Variants in PRKG1 observed in about 807,000 individuals in gnomAD.
The protein encoded by PRKG1 is protein kinase cGMP-dependent 1, also known as cGMP-dependent protein kinase 1.
Under a neutral mutation model 88.1 loss-of-function variants are expected in PRKG1, and 35 were observed. That is an observed-to-expected ratio of 0.40 (90% CI 0.30 to 0.53). PRKG1 has a LOEUF of 0.53. Ranked by LOEUF, PRKG1 falls within the 20% of genes least tolerant of loss-of-function variation. The pLI is 0.59. For missense variants in PRKG1, 540 were observed against 839.8 expected (o/e 0.64, Z 4.41); for synonymous variants, 303 against 292.5 (o/e 1.04, Z -0.37).
At chr10:51,515,907 C>T (rs1331077578) in intron 3 of PRKG1, among the ~76,000 whole-genome samples, 1 of 152,082 alleles carries the variant, frequency 6.6e-6, no homozygotes, top group East Asian at 1.9e-4. Context: ...GATGCTAAGG[C>T]CCCGGAGGGT....
intron 3 of PRKG1, among the ~76,000 whole-genome samples, chr10:51,537,606 G>C (rs959957224): frequency 2.0e-5 from 3 of 151,628 alleles, no homozygotes; most frequent in African/African-American, 7.3e-5. Context: ...GCATGCACCT[G>C]TATCCCAGCT....
intron 2 of PRKG1, among the ~76,000 whole-genome samples, chr10:51,240,713 A>C (rs1432804594): frequency 6.6e-6 from 1 of 152,188 alleles, no homozygotes; most frequent in African/African-American, 2.4e-5. Context: ...GAACACCAAG[A>C]GGGGCCTCCT....
chr10:52,165,045 T>A (rs1403942693), intron 9 of PRKG1, among the ~76,000 whole-genome samples: 2 of 152,186 alleles, frequency 1.3e-5, no homozygotes, highest in African/African-American at 4.8e-5. Flanking sequence ...AAATGGTAAT[T>A]GCTTGATGAA....
intron 2 of PRKG1, among the ~76,000 whole-genome samples, chr10:51,168,671 G>A (rs375769155): frequency 6.6e-6 from 1 of 152,104 alleles, no homozygotes; most frequent in Non-Finnish European, 1.5e-5. Context: ...AGTAGAATGT[G>A]ATTAGTTTAA....
intron 2 of PRKG1, among the ~76,000 whole-genome samples, chr10:51,261,728 C>G (rs905631754): frequency 1.1e-5 from 1 of 92,912 alleles, no homozygotes; most frequent in East Asian, 3.2e-4. Context: ...GCAGAGGTTT[C>G]GAACAAATGT....
intron 8 of PRKG1, among the ~76,000 whole-genome samples, chr10:52,151,566 G>A (rs1456730479): frequency 6.6e-6 from 1 of 152,178 alleles, no homozygotes; most frequent in Non-Finnish European, 1.5e-5. Context: ...GATAGGAAGA[G>A]TAATGTGTAA....
intron 2 of PRKG1, among the ~76,000 whole-genome samples, chr10:51,374,093 A>AAAAAATATATATATATATAT: frequency 3.0e-4 from 30 of 100,126 alleles, no homozygotes; most frequent in African/African-American, 9.5e-4. Flanking sequence ...AAAAAAAAAA[A>AAAAAATATATATATATATAT]ATATATATAT....
At chr10:51,642,047 A>C (rs1442397875) in intron 3 of PRKG1, among the ~76,000 whole-genome samples, 4 of 152,186 alleles carry the variant, frequency 2.6e-5, no homozygotes, top group Non-Finnish European at 5.9e-5. Flanking sequence ...CTACTCTGTC[A>C]GTTACTTGTT....
chr10:51,490,625 T>C (rs557325969), intron 3 of PRKG1, among the ~76,000 whole-genome samples: 1 of 152,270 alleles, frequency 6.6e-6, no homozygotes, highest in Admixed American at 6.5e-5. Flanking sequence ...CTGAGACTAT[T>C]TGAGCTTCAG....
rs748173343 is a variant in PRKG1 at position 51,942,021 on chromosome 10, C to T, written c.762+34451C>T. 8.6e-5 allele frequency among the ~76,000 whole-genome samples: 13 copies of T among 151,992 alleles called. 1 individual carries two copies. The highest frequency in any genetic ancestry group is 2.0e-4 in the Admixed American group (3 of 15,264). On this transcript the variant is annotated intron_variant, in intron 5 of 17. Transcript: ENST00000373980. ...TTCTAGTTCTGGATCCCTGAGGAAT[C>T]GCCACACGGACTTCCACAAGGGTTG...
At chr10:52,115,801 C>T (rs954655757) in intron 7 of PRKG1, among the ~76,000 whole-genome samples, 2 of 152,132 alleles carry the variant, frequency 1.3e-5, no homozygotes, top group African/African-American at 4.8e-5. Flanking sequence ...GACTATCTGG[C>T]TCAGGGTGTA....
intron 5 of PRKG1, among the ~76,000 whole-genome samples, chr10:52,007,505 C>T (rs935418007): frequency 3.3e-5 from 5 of 152,106 alleles, no homozygotes; most frequent in Admixed American, 2.0e-4. Flanking sequence ...AGACTTTAAA[C>T]CAACAAAGAC....
At chr10:52,074,438 T>C (rs1368296712) in intron 7 of PRKG1, among the ~76,000 whole-genome samples, 1 of 152,182 alleles carries the variant, frequency 6.6e-6, no homozygotes, top group African/African-American at 2.4e-5. Flanking sequence ...TTGAGCTACT[T>C]ATAAAAACAA....
At chr10:51,082,402 T>G (rs1461807522) in intron 1 of PRKG1, among the ~76,000 whole-genome samples, 1 of 152,190 alleles carries the variant, frequency 6.6e-6, no homozygotes, top group African/African-American at 2.4e-5. Flanking sequence ...TCCCAAACTT[T>G]CCTGCGCATT....
At chr10:51,376,594 A>G (rs1842821192) in intron 2 of PRKG1, among the ~76,000 whole-genome samples, 1 of 152,190 alleles carries the variant, frequency 6.6e-6, no homozygotes, top group African/African-American at 2.4e-5. Flanking sequence ...TCCAAAGGAC[A>G]TTAACATTTT....
intron 3 of PRKG1, among the ~76,000 whole-genome samples, chr10:51,746,605 C>T (rs919044261): frequency 6.6e-6 from 1 of 151,892 alleles, no homozygotes; most frequent in African/African-American, 2.4e-5. Flanking sequence ...TGCCTGTAGT[C>T]CCAGCTATTT....
At chr10:52,222,135 A>C (rs1015054880) in intron 9 of PRKG1, among the ~76,000 whole-genome samples, 2 of 152,118 alleles carry the variant, frequency 1.3e-5, no homozygotes, top group African/African-American at 4.8e-5. Context: ...ATGTTCCCTT[A>C]GAGTCATCCC....
At chr10:51,889,316 T>C (rs905934828) in intron 4 of PRKG1, among the ~76,000 whole-genome samples, 9 of 150,614 alleles carry the variant, frequency 6.0e-5, no homozygotes, top group African/African-American at 2.2e-4. Flanking sequence ...AGTGTTTGGT[T>C]TTTTGTCCTT....
chr10:51,920,274 G>A (rs1842435153), intron 5 of PRKG1, among the ~76,000 whole-genome samples: 1 of 152,130 alleles, frequency 6.6e-6, no homozygotes, highest in South Asian at 2.1e-4. Flanking sequence ...ATATAACAAA[G>A]GCCAAACCTT....
Sources: gnomAD v4.1 joint callset for allele counts (sites outside exome capture counted in the v4.1 genomes callset) on GRCh38, gnomAD v4.1.1 for gene constraint, MANE v1.5 for transcripts, NCBI Gene and HGNC (gene_info 2026-07-23, HGNC 2026-07-21) for gene names.